Variants in POM121C observed in about 807,000 individuals in gnomAD.
The protein encoded by POM121C is nuclear envelope pore membrane protein POM 121C.
POM121C carries 20 observed loss-of-function variants against 66.4 expected under a neutral mutation model. The ratio of observed to expected loss-of-function variants is 0.30; its 90% CI spans 0.21 to 0.44. POM121C has a LOEUF of 0.44. Ranked by LOEUF, POM121C falls within the 20% of genes least tolerant of loss-of-function variation. POM121C has a pLI of 1.00. For missense variants in POM121C, 580 were observed against 1,225.7 expected, an observed-to-expected ratio of 0.47 and a Z score of 7.87; for synonymous variants, 286 against 528.0, an observed-to-expected ratio of 0.54 and a Z score of 6.28.
intron 3 of POM121C, chr7:75,442,484 A>G (rs1554474223): frequency 7.1e-7 from 1 of 1,413,120 alleles, no homozygotes; most frequent in South Asian, 1.5e-5. Context: ...GAAGGAGGAC[A>G]AGGGGCGCGA....
intron 3 of POM121C, among the ~76,000 whole-genome samples, chr7:75,452,043 A>C (rs1290485004): frequency 6.6e-6 from 1 of 151,942 alleles, no homozygotes; most frequent in African/African-American, 2.4e-5. Flanking sequence ...GGGCACCTAT[A>C]ATCTCAGCTA....
At position 75,418,975 on chromosome 7, in the gene POM121C, G is replaced by A. The variant is rs1789581849; in HGVS notation, c.2867-82C>T. The A allele has an allele frequency of 5.4e-6, 8 of 1,494,168 alleles. No homozygotes were observed. In the Admixed American group the frequency reaches 1.9e-4, roughly 36 times the overall value. The allele number at this position is 1,494,168 out of a possible 1,614,324, so 92.6% of individuals were successfully genotyped here. ...GGGTGCCCAAATCTCTGGAAGGCCA[G>A]GCCAGTAATAAAACACAGGGTGCCT... is the stretch of plus-strand genomic sequence containing the variant. On this transcript the variant is annotated intron_variant, in intron 14 of 14. Transcript: ENST00000615331.
At chr7:75,431,660 T>C (rs1470059969) in intron 7 of POM121C, among the ~76,000 whole-genome samples, 5 of 150,382 alleles carry the variant, frequency 3.3e-5, no homozygotes, top group Admixed American at 1.3e-4. Flanking sequence ...CTTTAATACA[T>C]TGCTTAGCAG....
chr7:75,476,528 A>G (rs1244031426), intron 1 of POM121C, among the ~76,000 whole-genome samples: 1 of 152,200 alleles, frequency 6.6e-6, no homozygotes, highest in African/African-American at 2.4e-5. Context: ...AAGAGATAGC[A>G]GAGGCAGAGC....
chr7:75,441,367 G>A (rs1790641070), intron 4 of POM121C, 65 bp downstream of exon 4: 8 of 1,470,814 alleles, frequency 5.4e-6, no homozygotes, highest in Non-Finnish European at 6.6e-6. Context: ...GTTGTCACAG[G>A]AACAACTGGA....
intron 11 of POM121C, 104 bp downstream of exon 11, chr7:75,424,422 C>T: frequency 6.6e-7 from 1 of 1,504,900 alleles, no homozygotes; most frequent in Non-Finnish European, 9.2e-7. Flanking sequence ...TGGAACTCTA[C>T]TTCGGATTTT....
intron 3 of POM121C, among the ~76,000 whole-genome samples, chr7:75,474,116 G>T (rs1242988964): frequency 6.6e-6 from 1 of 152,142 alleles, no homozygotes; most frequent in African/African-American, 2.4e-5. Context: ...CTGTAAGGCC[G>T]GGAGCAGTGG....
At chr7:75,484,659 T>C (rs1353194559) in intron 1 of POM121C, among the ~76,000 whole-genome samples, 2 of 49,594 alleles carry the variant, frequency 4.0e-5, no homozygotes, top group Non-Finnish European at 8.8e-5. Context: ...AGAGACACTG[T>C]CTCAAAAAAA....
intron 3 of POM121C, among the ~76,000 whole-genome samples, chr7:75,455,264 G>GC (rs1791165224): frequency 1.3e-5 from 2 of 152,280 alleles, no homozygotes; most frequent in South Asian, 4.1e-4. Context: ...TTCTGCTTCT[G>GC]CGGGAAATGC....
At chr7:75,485,017 T>C (rs1368828715) in intron 1 of POM121C, among the ~76,000 whole-genome samples, 2 of 151,686 alleles carry the variant, frequency 1.3e-5, no homozygotes, top group East Asian at 1.9e-4. Context: ...CTGGCGACTT[T>C]TGTATTTTTT....
chr7:75,431,001 G>A (rs587622313), intron 7 of POM121C, among the ~76,000 whole-genome samples: 10 of 144,378 alleles, frequency 6.9e-5, no homozygotes, highest in Admixed American at 1.4e-4. Flanking sequence ...GCGTGAACCC[G>A]GGAGGCGGAG....
intron 1 of POM121C, among the ~76,000 whole-genome samples, chr7:75,481,964 A>C (rs1373939760): frequency 1.3e-5 from 2 of 152,172 alleles, no homozygotes; most frequent in Non-Finnish European, 2.9e-5. Flanking sequence ...AACTTCACAA[A>C]AACAAAGAAG....
chr7:75,448,211 TG>T (rs1481340113), intron 3 of POM121C, among the ~76,000 whole-genome samples: 4 of 151,980 alleles, frequency 2.6e-5, no homozygotes, highest in African/African-American at 9.7e-5. Flanking sequence ...CATTCCAGCC[TG>T]GGTAACAGAG....
chr7:75,427,222 G>A (rs1452258801), intron 7 of POM121C, among the ~76,000 whole-genome samples: 2 of 152,024 alleles, frequency 1.3e-5, no homozygotes, highest in African/African-American at 4.8e-5. Context: ...TCAGGAGATG[G>A]AGACCATCTT....
intron 12 of POM121C, 54 bp downstream of exon 12, chr7:75,423,995 C>T (rs1275212777): frequency 3.0e-5 from 48 of 1,591,056 alleles, no homozygotes; most frequent in Middle Eastern, 2.3e-4. Context: ...TTATTCCAAC[C>T]CAAGCCGGGG....
At chr7:75,419,632 T>C in intron 13 of POM121C, 190 bp from the exon 14 acceptor site, 1 of 668,060 alleles carries the variant, frequency 1.5e-6, no homozygotes. Context: ...CAGCTCAGCC[T>C]GCTTCTCCCA....
At chr7:75,454,293 C>T (rs1457999474) in intron 3 of POM121C, among the ~76,000 whole-genome samples, 4 of 152,068 alleles carry the variant, frequency 2.6e-5, no homozygotes, top group African/African-American at 7.2e-5. Flanking sequence ...GCCTCTGGGA[C>T]GAAGTGAGAT....
chr7:75,467,170 A>G (rs1399391750), intron 3 of POM121C, among the ~76,000 whole-genome samples: 2 of 152,220 alleles, frequency 1.3e-5, no homozygotes, highest in South Asian at 2.1e-4. Context: ...AGTGTCCCAT[A>G]TTACCACCTT....
chr7:75,470,468 C>CT (rs1207770141), intron 3 of POM121C, among the ~76,000 whole-genome samples: 3 of 151,618 alleles, frequency 2.0e-5, no homozygotes, highest in South Asian at 2.1e-4. Context: ...TTCTTTCTTT[C>CT]TTTTTTTACA....
Sources: allele counts gnomAD v4.1 joint callset (sites outside exome capture counted in the v4.1 genomes callset), GRCh38; gene constraint gnomAD v4.1.1; transcripts MANE v1.5; gene names NCBI Gene and HGNC (gene_info 2026-07-23, HGNC 2026-07-21).